Variants in TACC2 observed in about 807,000 individuals in gnomAD.
TACC2 encodes transforming acidic coiled-coil-containing protein 2.
In TACC2, 137 loss-of-function variants were observed where a neutral mutation model predicts 227.3. The ratio of observed to expected loss-of-function variants is 0.60; its 90% CI spans 0.52 to 0.69. The LOEUF is 0.69. Ranked by LOEUF, TACC2 falls within the 30% of genes least tolerant of loss-of-function variation. The pLI is 0.00. For missense variants in TACC2, 3,470 were observed against 3,694.4 expected (o/e 0.94, Z 1.57); for synonymous variants, 1,523 against 1,487.5 (o/e 1.02, Z -0.55).
At chr10:122,117,191 CT>C (rs71482688) in intron 5 of TACC2, among the ~76,000 whole-genome samples, 1,670 of 129,776 alleles carry the variant, frequency 0.013, 18 homozygotes, top group African/African-American at 0.041. Context: ...TCTTAGAAAT[CT>C]TTTTTTTTTT....
Position 122,082,675 on chromosome 10 carries a change from T to C in TACC2, c.175T>C (p.Cys59Arg), listed in dbSNP as rs1205587179. The C allele has an allele frequency of 6.2e-7, 1 of 1,613,568 alleles. No individual in the cohort carries two copies. Residue 59 changes from cysteine to arginine, a missense_variant, in exon 4 of 23, where the codon TGC (cysteine) becomes CGC (arginine). Physicochemically the swap from Cys to Arg is radical, Grantham distance 180. Around this residue, in one of 10 missense-constraint regions of TACC2, gnomAD observed 405 missense variants for 389.6 expected, o/e 1.04. Transcript: ENST00000369005. ...TGGCAGCGTTGGGCTTGGAGGCTTC[T>C]GCACCGCTTCTGAGAGTTCTGCCAG... is the stretch of plus-strand genomic sequence containing the variant. ...SIGSVGLGGF[C>R]TASESSASLD... is the part of the protein sequence containing the mutation.
rs200671128 is a variant in TACC2 at position 122,082,808 on chromosome 10, A to T, written c.308A>T (p.Glu103Val). ...CTGCCCAGCCCACCACCGTCCCAGG[A>T]GCGAGAGCACCCCTCGTCCTCCATG... is the stretch of plus-strand genomic sequence containing the variant. ...SLLPSPPPSQ[E>V]REHPSSSMPF... The change falls in exon 4 of 23, where the codon GAG (glutamate) becomes GTG (valine). Residue 103 changes from glutamate (E) to valine (V), a missense_variant. Around this residue, in one of 10 missense-constraint regions of TACC2, gnomAD observed 405 missense variants for 389.6 expected, o/e 1.04. Coordinates refer to ENST00000369005, the MANE Select transcript of TACC2 (RefSeq NM_206862.4). The T allele has an allele frequency of 6.2e-7, 1 of 1,613,590 alleles. No homozygotes were observed. The highest frequency in any genetic ancestry group is 8.5e-7 in the Non-Finnish European group (1 of 1,180,000).
chr10:122,151,177 G>C (rs1235107310), intron 7 of TACC2, among the ~76,000 whole-genome samples: 1 of 152,124 alleles, frequency 6.6e-6, no homozygotes, highest in Non-Finnish European at 1.5e-5. Context: ...AGCTGTTCTG[G>C]AAACAGAAAA....
intron 1 of TACC2, among the ~76,000 whole-genome samples, chr10:122,018,216 T>C (rs1259487571): frequency 1.3e-5 from 2 of 152,136 alleles, no homozygotes; most frequent in East Asian, 1.9e-4. Context: ...AGTGAGAACA[T>C]GCGGTGTTTG....
intron 7 of TACC2, among the ~76,000 whole-genome samples, chr10:122,163,199 A>G (rs1174599154): frequency 1.3e-5 from 2 of 152,112 alleles, no homozygotes. Flanking sequence ...CGTCTCTCCC[A>G]GCGTCGCTCC....
intron 9 of TACC2, among the ~76,000 whole-genome samples, chr10:122,214,093 G>T (rs57638399): frequency 0.13 from 19,059 of 151,868 alleles, 2,014 homozygotes; most frequent in East Asian, 0.32. Flanking sequence ...TGGGCAGCTC[G>T]GGGGGGTCCA....
chr10:122,254,076 G>A lies in TACC2; in HGVS notation c.*20G>A. 2 of 1,611,608 alleles carry A rather than the reference G, an allele frequency of 1.2e-6. No homozygotes were observed. Among genetic ancestry groups the A allele is most frequent in the African/African-American group, 1.3e-5 (1 of 74,992 alleles). On this transcript the variant is annotated 3_prime_UTR_variant, in exon 23 of 23. Coordinates refer to ENST00000369005, the MANE Select transcript of TACC2 (RefSeq NM_206862.4). ...AGCTAACTCTGAACCGAATGTTTTG[G>A]ACTTAACTGTTGCGTGCAATATGAC...
At chr10:122,122,204 AAT>A (rs2085955918) in intron 5 of TACC2, among the ~76,000 whole-genome samples, 1 of 151,980 alleles carries the variant, frequency 6.6e-6, no homozygotes, top group Non-Finnish European at 1.5e-5. Context: ...AAATACAAAA[AAT>A]TAGCCGGGTG....
chr10:122,031,864 C>T (rs1401991219), intron 2 of TACC2, among the ~76,000 whole-genome samples: 1 of 152,058 alleles, frequency 6.6e-6, no homozygotes, highest in African/African-American at 2.4e-5. Flanking sequence ...GCCGCCACAC[C>T]TGGCTAATTT....
chr10:122,067,977 C>G (rs1565200907), intron 3 of TACC2, among the ~76,000 whole-genome samples: 1 of 152,212 alleles, frequency 6.6e-6, no homozygotes, highest in Non-Finnish European at 1.5e-5. Flanking sequence ...ATTTGTCTCA[C>G]AGCTCACTGA....
Position 122,163,742 on chromosome 10 carries a change from G to A in TACC2, c.5834+20036G>A, listed in dbSNP as rs557207091. ...ACGCGGCGCTCGCCCCCCGGCCCCC[G>A]GCTCGGGCCGCGAGTCGCAGCTCCC... On this transcript the variant is annotated intron_variant, in intron 7 of 22. Transcript: ENST00000369005. 907 of 1,183,366 alleles carry A rather than the reference G, an allele frequency of 7.7e-4. 9 individuals carry two copies. The African/African-American group carries it at 0.013, about 16-fold the overall frequency. 73.3% of individuals were successfully genotyped at this position (1,183,366 alleles called of 1,614,324 possible).
At chr10:122,239,726 G>C (rs2095943027) in intron 18 of TACC2, among the ~76,000 whole-genome samples, 1 of 152,046 alleles carries the variant, frequency 6.6e-6, no homozygotes, top group Non-Finnish European at 1.5e-5. Flanking sequence ...ACCACTGAGG[G>C]GCCCCCAGGA....
rs140857329 is a variant in TACC2, at chr10:122,141,488, A to T, written c.5700-2084A>T. 1.6e-3 allele frequency among the ~76,000 whole-genome samples: 250 copies of T among 152,222 alleles called. No individual in the cohort carries two copies. The highest frequency in any genetic ancestry group is 5.8e-3 in the African/African-American group (239 of 41,534). ...GGGAGCAGCCAGGTGGCCCCTCAGG[A>T]ACAGGAGCAGCTGTGGGTGTTAAGG... On this transcript the variant is annotated intron_variant, in intron 6 of 22. Transcript: ENST00000369005. This position sits in a 1 kb window ranked among gnomAD's most constrained non-coding sequence, Gnocchi z 4.3.
At chr10:122,177,246 A>G (rs1009070440) in intron 7 of TACC2, among the ~76,000 whole-genome samples, 11 of 152,184 alleles carry the variant, frequency 7.2e-5, no homozygotes, top group South Asian at 2.1e-4. Flanking sequence ...CCAACACAGA[A>G]AAGGAGGGCA....
intron 7 of TACC2, among the ~76,000 whole-genome samples, chr10:122,151,401 G>A (rs2092022377): frequency 6.6e-6 from 1 of 152,040 alleles, no homozygotes; most frequent in South Asian, 2.1e-4. Context: ...GGAACCAAAT[G>A]TGCCAAAGCT....
At chr10:122,005,380 A>G (rs10159924) in intron 1 of TACC2, among the ~76,000 whole-genome samples, 60,079 of 129,290 alleles carry the variant, frequency 0.46, 13,791 homozygotes, top group Non-Finnish European at 0.54. Context: ...CACCACGCCC[A>G]GCTTTTTTTT....
chr10:122,085,228 C>T lies in TACC2; in HGVS notation c.2728C>T (p.Leu910=). ...TCAAAGTCAGCTCCCCAAAGGCACC[C>T]TGTCTGATACTCCAACTTCATCTCC... ...ELQSQLPKGT[L]SDTPTSSPTD... is the part of the protein sequence containing the mutation. Residue 910 remains leucine (L), a synonymous_variant, in exon 4 of 23, where the codon CTG becomes TTG. Coordinates refer to ENST00000369005, the MANE Select transcript of TACC2 (RefSeq NM_206862.4). 4 of 1,614,100 alleles carry T rather than the reference C, an allele frequency of 2.5e-6. No homozygotes were observed. The highest frequency in any genetic ancestry group is 3.4e-6 in the Non-Finnish European group (4 of 1,180,040).
intron 7 of TACC2, among the ~76,000 whole-genome samples, chr10:122,162,685 G>C (rs1025864718): frequency 3.9e-5 from 6 of 152,200 alleles, no homozygotes; most frequent in Non-Finnish European, 8.8e-5. Context: ...CATAGGCCAG[G>C]GACAGGGATT....
chr10:121,996,132 T>C (rs945197349), intron 1 of TACC2, among the ~76,000 whole-genome samples: 2 of 152,104 alleles, frequency 1.3e-5, no homozygotes, highest in African/African-American at 4.8e-5. Context: ...TGGTCCAGTG[T>C]AGCCTTGACT....
Sources: gnomAD v4.1 joint callset for allele counts (sites outside exome capture counted in the v4.1 genomes callset) on GRCh38, gnomAD v4.1.1 for gene constraint, gnomAD v4.1.1 regional missense constraint, Gnocchi (gnomAD v3.1) non-coding constraint, MANE v1.5 for transcripts, NCBI Gene and HGNC (gene_info 2026-07-23, HGNC 2026-07-21) for gene names.